RELN: variants seen among roughly 807,000 people sequenced by gnomAD.
RELN encodes reelin.
In RELN, 108 loss-of-function variants were observed where a neutral mutation model predicts 427.6. The observed-to-expected ratio is 0.25, with a 90% CI of 0.22 to 0.30. RELN has a LOEUF of 0.30. Among genes scored for constraint, RELN ranks in the 10% least tolerant of loss-of-function variants. The pLI is 1.00. For synonymous variants in RELN, 1,524 were observed against 1,513.4 expected (o/e 1.01, Z -0.16); for missense variants, 3,715 against 4,302.8 (o/e 0.86, Z 3.82).
At chr7:103,560,662 G>A (rs1318245850) in intron 36 of RELN, among the ~76,000 whole-genome samples, 1 of 152,140 alleles carries the variant, frequency 6.6e-6, no homozygotes, top group African/African-American at 2.4e-5. Flanking sequence ...CCAAAACCAG[G>A]AGTTTCCACT....
At position 103,868,561 on chromosome 7, in the gene RELN, G is replaced by T. The variant is rs946348656; in HGVS notation, c.338-34889C>A. ...CAGAATTTAGTGCTAGGGAAAGTCT[G>T]TCCATCCAGATCACCCTCCATAATC... On this transcript the variant is annotated intron_variant, in intron 2 of 64. Coordinates refer to ENST00000428762, the MANE Select transcript of RELN (RefSeq NM_005045.4). Among the ~76,000 whole-genome samples, 3 of 152,112 alleles carry T rather than the reference G, an allele frequency of 2.0e-5. No individual in the cohort carries two copies. In the South Asian group the frequency reaches 6.2e-4, roughly 32 times the overall value.
At chr7:103,489,721 T>C in intron 60 of RELN, 21 bp downstream of exon 60, 2 of 1,613,560 alleles carry the variant, frequency 1.2e-6, no homozygotes, top group Non-Finnish European at 1.7e-6. Context: ...TCTATCAAAG[T>C]TGGCAGCCTG....
At chr7:103,621,817 A>T (rs1057480469) in intron 20 of RELN, among the ~76,000 whole-genome samples, 3 of 152,022 alleles carry the variant, frequency 2.0e-5, no homozygotes, top group African/African-American at 7.2e-5. Context: ...GGAGTTTGAG[A>T]CCACCTTGGG....
intron 5 of RELN, among the ~76,000 whole-genome samples, chr7:103,751,309 T>C (rs1242172964): frequency 6.6e-6 from 1 of 152,228 alleles, no homozygotes; most frequent in Non-Finnish European, 1.5e-5. Context: ...CTGAAATCAC[T>C]GGGTAATTAA....
At chr7:103,908,383 C>G (rs1795264811) in intron 2 of RELN, among the ~76,000 whole-genome samples, 1 of 152,064 alleles carries the variant, frequency 6.6e-6, no homozygotes, top group Admixed American at 6.6e-5. Context: ...CTCATTTAAT[C>G]CAACCTACAA....
At chr7:103,792,947 A>G (rs1792203965) in intron 3 of RELN, among the ~76,000 whole-genome samples, 1 of 152,218 alleles carries the variant, frequency 6.6e-6, no homozygotes, top group Non-Finnish European at 1.5e-5. Context: ...TGGAAAAAAT[A>G]CATTTTTGTT....
chr7:103,667,760 ATATT>A (rs1436986970), intron 11 of RELN, among the ~76,000 whole-genome samples: 2 of 152,306 alleles, frequency 1.3e-5, no homozygotes, highest in South Asian at 2.1e-4. Flanking sequence ...GAAAACATGT[ATATT>A]TATTCCTTGC....
intron 8 of RELN, among the ~76,000 whole-genome samples, chr7:103,715,397 T>C (rs1439545981): frequency 6.6e-6 from 1 of 152,244 alleles, no homozygotes; most frequent in Non-Finnish European, 1.5e-5. Context: ...CTTTCTGTTT[T>C]ATATTTATGT....
At chr7:103,716,191 A>G (rs1414816728) in intron 8 of RELN, among the ~76,000 whole-genome samples, 1 of 152,138 alleles carries the variant, frequency 6.6e-6, no homozygotes, top group Non-Finnish European at 1.5e-5. Context: ...TCTTTCCCAA[A>G]TAATGAAGTC....
chr7:103,841,022 A>G (rs1793539396), intron 2 of RELN, among the ~76,000 whole-genome samples: 1 of 152,180 alleles, frequency 6.6e-6, no homozygotes, highest in Non-Finnish European at 1.5e-5. Flanking sequence ...AAATGTTCAT[A>G]TGAAATTTCT....
At chr7:103,680,396 G>A (rs576807496) in intron 11 of RELN, among the ~76,000 whole-genome samples, 1 of 152,204 alleles carries the variant, frequency 6.6e-6, no homozygotes, top group South Asian at 2.1e-4. Context: ...TATATGGATG[G>A]AATTAGCGTG....
intron 6 of RELN, among the ~76,000 whole-genome samples, chr7:103,735,413 C>T (rs561369390): frequency 6.6e-6 from 1 of 152,096 alleles, no homozygotes; most frequent in East Asian, 1.9e-4. Flanking sequence ...ACCACCCATT[C>T]ATTGGGCACA....
intron 8 of RELN, among the ~76,000 whole-genome samples, chr7:103,715,443 A>G (rs1279811631): frequency 6.6e-6 from 1 of 152,174 alleles, no homozygotes; most frequent in Non-Finnish European, 1.5e-5. Flanking sequence ...CTCTGTTTTG[A>G]CTATCAGACT....
intron 5 of RELN, among the ~76,000 whole-genome samples, chr7:103,751,786 A>T (rs1348498774): frequency 6.6e-6 from 1 of 152,232 alleles, no homozygotes; most frequent in Admixed American, 6.5e-5. Flanking sequence ...CTCAAGGCAG[A>T]TTTTCCAAAG....
chr7:103,686,036 C>T (rs1161266998), intron 10 of RELN, among the ~76,000 whole-genome samples: 1 of 152,176 alleles, frequency 6.6e-6, no homozygotes, highest in Non-Finnish European at 1.5e-5. Flanking sequence ...AAGATGAACA[C>T]CGAAGCACCT....
At chr7:103,539,645 T>C (rs181834924) in intron 44 of RELN, among the ~76,000 whole-genome samples, 4 of 152,362 alleles carry the variant, frequency 2.6e-5, no homozygotes, top group Admixed American at 6.5e-5. Flanking sequence ...TTATTTTCCA[T>C]GTAAAATTTC....
chr7:103,495,508 T>C (rs539966979), intron 57 of RELN, among the ~76,000 whole-genome samples: 1 of 152,292 alleles, frequency 6.6e-6, no homozygotes, highest in Admixed American at 6.5e-5. Flanking sequence ...GTTACATTTC[T>C]TGCTATGTCC....
In RELN at chr7:103,515,179, A is replaced by C. The variant is rs767551473; in HGVS notation, c.8119+6T>G. 7.4e-6 allele frequency: 12 copies of C among 1,614,004 alleles called. No homozygotes were observed. The highest frequency in any genetic ancestry group is 1.0e-5 in the Non-Finnish European group (12 of 1,179,962). ...GGCTTTTTATTTAGCGCTGTGCATA[A>C]TTTACCTGAAGTTTTGTCTTCCATA... On this transcript the variant is annotated splice_donor_region_variant and intron_variant, in intron 50 of 64. Transcript: ENST00000428762.
At chr7:103,519,782 C>T (rs1829658715) in intron 48 of RELN, among the ~76,000 whole-genome samples, 1 of 152,162 alleles carries the variant, frequency 6.6e-6, no homozygotes, top group Non-Finnish European at 1.5e-5. Context: ...GTTATGTTGT[C>T]CAGGCTGGTC....
Sources: allele counts gnomAD v4.1 joint callset (sites outside exome capture counted in the v4.1 genomes callset), GRCh38; gene constraint gnomAD v4.1.1; transcripts MANE v1.5; gene names NCBI Gene and HGNC (gene_info 2026-07-23, HGNC 2026-07-21).